PPP2R2B: variants seen among roughly 807,000 people sequenced by gnomAD.
PPP2R2B encodes the protein protein phosphatase 2 regulatory subunit Bbeta.
A neutral mutation model predicts 46.0 loss-of-function variants in PPP2R2B; 5 were observed. The observed-to-expected ratio is 0.11, with a 90% confidence interval of 0.06 to 0.23. The LOEUF is 0.23. Ranked by LOEUF, PPP2R2B falls within the 10% of genes least tolerant of loss-of-function variation. The probability of loss-of-function intolerance (pLI) is 1.00; values close to 1 mark genes in which losing one functional copy is unlikely to be tolerated. For synonymous variants in PPP2R2B, 215 were observed against 206.7 expected (o/e 1.04, Z -0.34); for missense variants, 367 against 575.0 (o/e 0.64, Z 3.70).
chr5:146,865,602 T>C (rs2151400949), intron 2 of PPP2R2B, among the ~76,000 whole-genome samples: 1 of 152,312 alleles, frequency 6.6e-6, no homozygotes, highest in South Asian at 2.1e-4. Context: ...TACCTAGGTT[T>C]TTTAGCACAG....
chr5:146,983,175 C>CCTTTTT (rs1561555406), intron 1 of PPP2R2B, among the ~76,000 whole-genome samples: 5 of 69,530 alleles, frequency 7.2e-5, no homozygotes, highest in Non-Finnish European at 1.0e-4. Context: ...TTTTCCAGAG[C>CCTTTTT]ATTTTTTTTT....
intron 5 of PPP2R2B, among the ~76,000 whole-genome samples, chr5:146,659,928 C>G (rs115975686): frequency 2.0e-5 from 3 of 152,172 alleles, no homozygotes; most frequent in Non-Finnish European, 4.4e-5. Context: ...GTTTTAGCAT[C>G]TCTTCCATCC....
At chr5:146,926,061 A>C (rs1582440129) in intron 1 of PPP2R2B, among the ~76,000 whole-genome samples, 2 of 152,282 alleles carry the variant, frequency 1.3e-5, no homozygotes, top group East Asian at 3.9e-4. Context: ...TAATTCTTTA[A>C]ACATGGCTTG....
At chr5:147,063,494 G>A (rs1334226644) in intron 2 of PPP2R2B, among the ~76,000 whole-genome samples, 2 of 152,078 alleles carry the variant, frequency 1.3e-5, no homozygotes, top group Non-Finnish European at 2.9e-5. Context: ...GTCCAAGCTG[G>A]ATAAAAAATG....
intron 2 of PPP2R2B, among the ~76,000 whole-genome samples, chr5:146,781,760 A>G (rs565869929): frequency 1.6e-4 from 25 of 152,354 alleles, no homozygotes; most frequent in African/African-American, 5.3e-4. Flanking sequence ...AGTATATTTC[A>G]GGATATTACA....
chr5:146,894,465 G>A (rs1360785562), intron 1 of PPP2R2B, among the ~76,000 whole-genome samples: 1 of 152,052 alleles, frequency 6.6e-6, no homozygotes, highest in Non-Finnish European at 1.5e-5. Context: ...TTTGAGACAA[G>A]GTCTTGCTCT....
At chr5:146,869,677 G>T (rs961331076) in intron 2 of PPP2R2B, among the ~76,000 whole-genome samples, 4 of 152,192 alleles carry the variant, frequency 2.6e-5, no homozygotes, top group African/African-American at 9.7e-5. Context: ...AGGAAAGTGG[G>T]ATGGGCATGG....
chr5:147,035,230 GC>G, intron 1 of PPP2R2B: 2 of 426,030 alleles, frequency 4.7e-6, no homozygotes, highest in Non-Finnish European at 9.3e-6. Flanking sequence ...CGAAGGGGAA[GC>G]AAGGCACATC....
chr5:146,990,605 T>C (rs988895457), intron 1 of PPP2R2B, among the ~76,000 whole-genome samples: 1 of 152,098 alleles, frequency 6.6e-6, no homozygotes, highest in Non-Finnish European at 1.5e-5. Flanking sequence ...CTTAAAACTA[T>C]GAAACTATTA....
chr5:146,970,427 C>T (rs1384304151), intron 1 of PPP2R2B, among the ~76,000 whole-genome samples: 1 of 151,794 alleles, frequency 6.6e-6, no homozygotes, highest in Admixed American at 6.6e-5. Flanking sequence ...ATGGCAAAAC[C>T]CCATCTCTAC....
At chr5:146,925,099 T>C (rs866464344) in intron 1 of PPP2R2B, among the ~76,000 whole-genome samples, 4 of 152,228 alleles carry the variant, frequency 2.6e-5, no homozygotes, top group South Asian at 2.1e-4. Flanking sequence ...ATATTAAATC[T>C]ATACATGTTA....
At chr5:146,703,940 C>G (rs1779687581) in intron 2 of PPP2R2B, among the ~76,000 whole-genome samples, 1 of 152,204 alleles carries the variant, frequency 6.6e-6, no homozygotes, top group Non-Finnish European at 1.5e-5. Context: ...AGAGTCCTTA[C>G]CTTTATTTTA....
chr5:146,928,409 T>G (rs1268735416), intron 1 of PPP2R2B, among the ~76,000 whole-genome samples: 3 of 151,986 alleles, frequency 2.0e-5, no homozygotes, highest in Admixed American at 2.0e-4. Context: ...CTCTTCCACC[T>G]ATAGGCTTTT....
At chr5:146,887,441 C>T (rs1452906487) in intron 1 of PPP2R2B, among the ~76,000 whole-genome samples, 1 of 152,026 alleles carries the variant, frequency 6.6e-6, no homozygotes, top group African/African-American at 2.4e-5. Context: ...ATCTGATAAG[C>T]CTCAAAACTA....
Position 146,586,902 on chromosome 5 carries a change from G to A in PPP2R2B, c.*3045C>T, listed in dbSNP as rs778629826. On this transcript the variant is annotated 3_prime_UTR_variant, in exon 10 of 10. Coordinates refer to ENST00000394411, the MANE Select transcript of PPP2R2B (RefSeq NM_181675.4). ...CAGAAGAGTACGAATGTCTACCAAA[G>A]TTCAGCTTTTTGCATTACTTGTTTT... 2.0e-5 allele frequency: 3 copies of A among 152,140 alleles called. No individual in the cohort carries two copies. Among genetic ancestry groups the A allele is most frequent in the Non-Finnish European group, 4.4e-5 (3 of 68,038 alleles). The allele number at this position is 152,140 out of a possible 1,614,324, so 9.4% of individuals were successfully genotyped here.
intron 8 of PPP2R2B, among the ~76,000 whole-genome samples, chr5:146,598,207 C>T (rs1185229140): frequency 6.6e-6 from 1 of 152,196 alleles, no homozygotes; most frequent in Non-Finnish European, 1.5e-5. Flanking sequence ...TGATAATCTC[C>T]ACTTACTAAA....
chr5:146,842,960 G>A (rs1351603552), intron 2 of PPP2R2B, among the ~76,000 whole-genome samples: 3 of 152,170 alleles, frequency 2.0e-5, no homozygotes, highest in Non-Finnish European at 2.9e-5. Flanking sequence ...AGGCCGAGGC[G>A]GGTGGATCAC....
chr5:146,686,182 C>A (rs998881670), intron 5 of PPP2R2B, among the ~76,000 whole-genome samples: 1 of 152,190 alleles, frequency 6.6e-6, no homozygotes, highest in African/African-American at 2.4e-5. Context: ...TGAAAGTCTA[C>A]CATGTGCCAT....
chr5:147,010,976 C>T (rs886348910), intron 1 of PPP2R2B, among the ~76,000 whole-genome samples: 12 of 152,118 alleles, frequency 7.9e-5, no homozygotes, highest in African/African-American at 2.4e-4. Context: ...CAGGCCTTGG[C>T]ACTTCTCTAC....
Sources: gnomAD v4.1 joint callset for allele counts (sites outside exome capture counted in the v4.1 genomes callset) on GRCh38, gnomAD v4.1.1 for gene constraint, MANE v1.5 for transcripts, NCBI Gene and HGNC (gene_info 2026-07-23, HGNC 2026-07-21) for gene names.